ATE1: variants seen among roughly 807,000 people sequenced by gnomAD.
ATE1 encodes the protein arginyl-tRNA--protein transferase 1.
A neutral mutation model predicts 70.5 loss-of-function variants in ATE1; 36 were observed. The observed-to-expected ratio is 0.51, with a 90% CI of 0.39 to 0.67. The LOEUF is 0.67. ATE1 is among the 30% of genes least tolerant of loss of function. The pLI is 0.00. For synonymous variants in ATE1, 232 were observed against 219.3 expected (o/e 1.06, Z -0.51); for missense variants, 593 against 629.5 (o/e 0.94, Z 0.62).
chr10:121,746,310 A>T (rs187826776), intron 11 of ATE1, among the ~76,000 whole-genome samples: 129 of 152,314 alleles, frequency 8.5e-4, no homozygotes, highest in African/African-American at 2.7e-3. Flanking sequence ...AGTGCCTAGA[A>T]CACTACCTAG....
intron 11 of ATE1, among the ~76,000 whole-genome samples, chr10:121,770,345 A>G (rs1945459835): frequency 6.6e-6 from 1 of 151,964 alleles, no homozygotes; most frequent in Non-Finnish European, 1.5e-5. Flanking sequence ...ATACAGAAAA[A>G]TATCTAGGAT....
chr10:121,889,813 T>C (rs1950522109), intron 7 of ATE1, among the ~76,000 whole-genome samples: 1 of 150,766 alleles, frequency 6.6e-6, no homozygotes, highest in Admixed American at 6.6e-5. Context: ...ACCTTGTCTC[T>C]TAAAAAAAAA....
chr10:121,789,295 G>GTTT (rs1946336151), intron 11 of ATE1, among the ~76,000 whole-genome samples: 2 of 18,820 alleles, frequency 1.1e-4, no homozygotes, highest in African/African-American at 2.8e-4. Context: ...CCAGGGCTAT[G>GTTT]CTTTTTTTTT....
At chr10:121,745,489 G>C (rs1199585212) in intron 11 of ATE1, among the ~76,000 whole-genome samples, 1 of 151,966 alleles carries the variant, frequency 6.6e-6, no homozygotes, top group African/African-American at 2.4e-5. Context: ...GGCCAAGGTG[G>C]GCAAATCACG....
In ATE1 at chr10:121,815,221, C is replaced by T. The variant is rs370877269; in HGVS notation, c.1257+21497G>A. On this transcript the variant is annotated intron_variant, in intron 10 of 11. Transcript: ENST00000224652. ...CGCAATCTCGGCTCACTGCGAGCTC[C>T]GCCTCCCGGGTTCACGCCATTCTCC... 3.7e-3 allele frequency among the ~76,000 whole-genome samples: 558 copies of T among 152,316 alleles called. 4 individuals are homozygous for T. Among genetic ancestry groups the T allele is most frequent in the African/African-American group, 0.013 (528 of 41,578 alleles).
intron 8 of ATE1, among the ~76,000 whole-genome samples, chr10:121,860,826 G>A (rs993580359): frequency 7.9e-5 from 12 of 152,150 alleles, no homozygotes; most frequent in African/African-American, 2.9e-4. Flanking sequence ...CAATTCTACA[G>A]GTCAGTGTTT....
At chr10:121,868,959 G>A (rs545962622) in intron 8 of ATE1, among the ~76,000 whole-genome samples, 3 of 152,198 alleles carry the variant, frequency 2.0e-5, no homozygotes, top group Non-Finnish European at 4.4e-5. Flanking sequence ...GAAGGACACA[G>A]TATTGAGGCT....
At chr10:121,761,592 GAA>G in intron 11 of ATE1, among the ~76,000 whole-genome samples, 1 of 151,584 alleles carries the variant, frequency 6.6e-6, no homozygotes, top group East Asian at 2.0e-4. Context: ...ATCTAGAGCA[GAA>G]CACATAATAT....
chr10:121,760,891 T>G (rs781484883), intron 11 of ATE1, among the ~76,000 whole-genome samples: 1 of 152,214 alleles, frequency 6.6e-6, no homozygotes, highest in African/African-American at 2.4e-5. Context: ...CCTGCTATAA[T>G]TCATATGTTT....
chr10:121,802,444 G>A (rs769127140), intron 10 of ATE1, among the ~76,000 whole-genome samples: 13 of 151,852 alleles, frequency 8.6e-5, no homozygotes, highest in Non-Finnish European at 1.6e-4. Context: ...GAGTTGCTGG[G>A]ATTACAGGCG....
In ATE1 at chr10:121,902,410, T is replaced by C; in HGVS notation, c.794A>G (p.Asn265Ser). The C allele has an allele frequency of 6.2e-7, 1 of 1,614,074 alleles. No individual in the cohort carries two copies. Among genetic ancestry groups the C allele is most frequent in the South Asian group, 1.1e-5 (1 of 91,068 alleles). ...AAGTACCTCTAACTTGTGTGATGCA[T>C]TCTCTGGTAAAGACTCAAAAATTAA... ...EDLIFESLPE[N>S]ASHKLEVRVV... The change falls in exon 6 of 12, where the codon AAT (asparagine) becomes AGT (serine). Residue 265 changes from asparagine to serine, a missense_variant. By Grantham distance (46) the Asn-to-Ser change is conservative. This residue lies in a region of ATE1 where 467 missense variants were observed against 469.6 expected (regional missense o/e 0.99). Transcript: ENST00000224652.
At chr10:121,743,916 CTTTTTTTTTTTT>C (rs35850942) in intron 11 of ATE1, 58 bp from the exon 12 acceptor site, 74 of 870,832 alleles carry the variant, frequency 8.5e-5, no homozygotes, top group African/African-American at 3.1e-4. Context: ...TTTTTGTTTC[CTTTTTTTTTTTT>C]TTTTTTTTTT....
chr10:121,887,270 G>C (rs567847747), intron 7 of ATE1, among the ~76,000 whole-genome samples: 4 of 152,264 alleles, frequency 2.6e-5, no homozygotes, highest in Admixed American at 2.6e-4. Context: ...GACTCATCAC[G>C]ACCTTTCCTT....
intron 10 of ATE1, among the ~76,000 whole-genome samples, chr10:121,810,681 TA>T (rs1947283757): frequency 6.6e-6 from 1 of 151,790 alleles, no homozygotes; most frequent in Non-Finnish European, 1.5e-5. Context: ...CCATTTAGTA[TA>T]TAACTCTAAC....
intron 10 of ATE1, among the ~76,000 whole-genome samples, chr10:121,831,071 T>C (rs974599723): frequency 1.3e-5 from 2 of 152,214 alleles, no homozygotes; most frequent in Non-Finnish European, 2.9e-5. Flanking sequence ...ATACTTCCAA[T>C]ATTCTTCAGA....
At chr10:121,855,478 G>C (rs990831169) in intron 8 of ATE1, among the ~76,000 whole-genome samples, 1 of 152,188 alleles carries the variant, frequency 6.6e-6, no homozygotes, top group Non-Finnish European at 1.5e-5. Context: ...TGTGAGATCT[G>C]AAACGATGAG....
chr10:121,863,386 T>A (rs1949546137), intron 8 of ATE1, among the ~76,000 whole-genome samples: 1 of 151,784 alleles, frequency 6.6e-6, no homozygotes, highest in African/African-American at 2.4e-5. Flanking sequence ...CCCGAGTAGC[T>A]GGGATTACAG....
At chr10:121,847,643 A>G (rs1244253460) in intron 8 of ATE1, among the ~76,000 whole-genome samples, 2 of 149,138 alleles carry the variant, frequency 1.3e-5, no homozygotes, top group African/African-American at 5.0e-5. Flanking sequence ...CTGTAATCCC[A>G]GCTACTCAGG....
chr10:121,924,441 C>T (rs1005637660), intron 1 of ATE1, 112 bp from the exon 2 acceptor site: 1 of 1,007,158 alleles, frequency 9.9e-7, no homozygotes, highest in Non-Finnish European at 1.5e-6. Flanking sequence ...TGGCTCATGC[C>T]TGTAATCCCA....
Sources: gnomAD v4.1 joint callset for allele counts (sites outside exome capture counted in the v4.1 genomes callset) on GRCh38, gnomAD v4.1.1 for gene constraint, gnomAD v4.1.1 regional missense constraint, MANE v1.5 for transcripts, NCBI Gene and HGNC (gene_info 2026-07-23, HGNC 2026-07-21) for gene names.